PCDH19: variants seen among roughly 807,000 people sequenced by gnomAD.
PCDH19 encodes the protein protocadherin-19.
Under a neutral mutation model 46.2 loss-of-function variants are expected in PCDH19, and 6 were observed. The ratio of observed to expected loss-of-function variants is 0.13; its 90% CI spans 0.07 to 0.26. The LOEUF is 0.26. Ranked by LOEUF, PCDH19 falls within the 10% of genes least tolerant of loss-of-function variation. The pLI is 1.00. For missense variants in PCDH19, 740 were observed against 972.3 expected, an observed-to-expected ratio of 0.76 and a Z score of 3.18; for synonymous variants, 481 against 415.7, an observed-to-expected ratio of 1.16 and a Z score of -1.91.
At position 100,372,976 on chromosome X, in the gene PCDH19, C is replaced by A. The variant is rs138943680; in HGVS notation, c.2617-22272G>T. Among the ~76,000 whole-genome samples, 656 of 112,239 alleles carry A rather than the reference C, an allele frequency of 5.8e-3. 4 individuals are homozygous for A. Among genetic ancestry groups the A allele is most frequent in the African/African-American group, 0.02 (624 of 30,949 alleles). On this transcript the variant is annotated intron_variant, in intron 3 of 5. Coordinates refer to ENST00000373034, the MANE Select transcript of PCDH19 (RefSeq NM_001184880.2). ...CATAGATTAGATGTTTAATTAACAT[C>A]CTCAGTTCTCTTTCTGCCTTGTGTC...
chrX:100,357,970 C>T (rs184735750), intron 3 of PCDH19, among the ~76,000 whole-genome samples: 101 of 112,166 alleles, frequency 9.0e-4, no homozygotes, highest in African/African-American at 3.0e-3. Flanking sequence ...GTTTATTAGG[C>T]CAAGGTGGTT....
Position 100,296,712 on chromosome X carries a change from A to T in PCDH19, c.3012T>A (p.Ala1004=). ...GTTTGGTGGGGCCGCAGTCGTCATA[A>T]GCCTCGACATCAGCAGCAGTAGCTT... is the stretch of plus-strand genomic sequence containing the variant. The part of the protein sequence containing the change: ...SIEATAADVE[A]YDDCGPTKRT... Residue 1004 remains alanine (A), a synonymous_variant, in exon 6 of 6, where the codon GCT becomes GCA. Transcript: ENST00000373034. The T allele has an allele frequency of 5.0e-6, 6 of 1,211,436 alleles. No individual in the cohort carries two copies. The highest frequency in any genetic ancestry group is 6.7e-6 in the Non-Finnish European group (6 of 895,500).
chrX:100,292,249 T>C lies in PCDH19; in HGVS notation c.*4028A>G, dbSNP rs1335664737. 1.8e-5 allele frequency: 2 copies of C among 112,908 alleles called. No individual in the cohort carries two copies. Among genetic ancestry groups the C allele is most frequent in the African/African-American group, 6.5e-5 (2 of 30,951 alleles). 9.3% of individuals were successfully genotyped at this position (112,908 alleles called of 1,213,427 possible). A position where few individuals can be genotyped will look rare whatever the true frequency, so the allele number is the denominator to read the frequency against. Reference sequence around the variant, plus strand: ...GTGTTAGCTGGTTTGTTTGCTAAGGTTGACAGCAACTTTCAGTTAGTAACA... The same window carrying C: ...GTGTTAGCTGGTTTGTTTGCTAAGGCTGACAGCAACTTTCAGTTAGTAACA... On this transcript the variant is annotated 3_prime_UTR_variant, in exon 6 of 6. Transcript: ENST00000373034.
intron 3 of PCDH19, among the ~76,000 whole-genome samples, chrX:100,371,884 C>CACA (rs1555981142): frequency 0.17 from 15,359 of 88,822 alleles, 1,031 homozygotes; most frequent in Non-Finnish European, 0.21. Context: ...ACACACACAC[C>CACA]CACACAAAAC....
intron 3 of PCDH19, among the ~76,000 whole-genome samples, chrX:100,392,076 G>A (rs1248174220): frequency 8.9e-6 from 1 of 111,780 alleles, no homozygotes; most frequent in Non-Finnish European, 1.9e-5. Flanking sequence ...CTCCTCTTGA[G>A]GGTACCTGGT....
Position 100,406,768 on chromosome X carries a change from G to A in PCDH19, c.1830C>T (p.Gly610=), listed in dbSNP as rs1441748797. ...GGTCTATTTCAAAGAAGCCGCGGTC[G>A]CCCTCGGTCATGTCGTAGGTGACTC... ...NGRVTYDMTE[G]DRGFFEIDQV... Residue 610 remains glycine, a synonymous_variant, in exon 1 of 6, where the codon GGC becomes GGT. Transcript: ENST00000373034. 1 of 1,211,783 alleles carries A rather than the reference G, an allele frequency of 8.3e-7. No homozygotes were observed.
At chrX:100,315,473 T>G (rs1299739112) in intron 5 of PCDH19, among the ~76,000 whole-genome samples, 1 of 112,362 alleles carries the variant, frequency 8.9e-6, no homozygotes, top group Non-Finnish European at 1.9e-5. Context: ...GTCAATATTG[T>G]TGGGCCATCA....
At chrX:100,394,447 A>T (rs1029058067) in intron 3 of PCDH19, among the ~76,000 whole-genome samples, 1 of 111,767 alleles carries the variant, frequency 8.9e-6, no homozygotes, top group Non-Finnish European at 1.9e-5. Flanking sequence ...CCCAGGCTCT[A>T]CCCAATCCAG....
At position 100,371,024 on chromosome X, in the gene PCDH19, TGG is replaced by T. The variant is rs749870303; in HGVS notation, c.2617-20322_2617-20321del. 1.9e-3 allele frequency among the ~76,000 whole-genome samples: 210 copies of T among 108,009 alleles called. 1 individual carries two copies. Among genetic ancestry groups the T allele is most frequent in the Middle Eastern group, 9.5e-3 (2 of 210 alleles). 93.8% of individuals were successfully genotyped at this position (108,009 alleles called of 115,157 possible). ...GTGTGTGTGTGTGTGTGTGTGTGTG[TGG>T]GTGTGTGTGTATGCATGTGTTTAAA... On this transcript the variant is annotated intron_variant, in intron 3 of 5. Coordinates refer to ENST00000373034, the MANE Select transcript of PCDH19 (RefSeq NM_001184880.2).
intron 3 of PCDH19, among the ~76,000 whole-genome samples, chrX:100,373,589 T>C (rs1282717320): frequency 8.9e-6 from 1 of 112,366 alleles, no homozygotes; most frequent in African/African-American, 3.2e-5. Flanking sequence ...TAGCCTATTT[T>C]CCTTTCTTCG....
chrX:100,374,123 T>G (rs1927305006), intron 3 of PCDH19, among the ~76,000 whole-genome samples: 1 of 112,705 alleles, frequency 8.9e-6, no homozygotes, highest in Non-Finnish European at 1.9e-5. Context: ...CTCACCCTTT[T>G]GATAATGCTG....
At chrX:100,342,335 A>C (rs754082581) in intron 4 of PCDH19, among the ~76,000 whole-genome samples, 1 of 112,525 alleles carries the variant, frequency 8.9e-6, no homozygotes, top group South Asian at 3.7e-4. Context: ...AGGTGGAAGA[A>C]GCTACAATTC....
In PCDH19 at chrX:100,409,985, T is replaced by C; in HGVS notation, c.-1388A>G. On this transcript the variant is annotated 5_prime_UTR_variant, in exon 1 of 6. Coordinates refer to ENST00000373034, the MANE Select transcript of PCDH19 (RefSeq NM_001184880.2). Reference sequence around the variant, plus strand: ...GAATGTGTGAGAGAGAGAGGAAGAGTGAGTGTGTGGTGTGGGGAGTGTGAG... The same window carrying C: ...GAATGTGTGAGAGAGAGAGGAAGAGCGAGTGTGTGGTGTGGGGAGTGTGAG... 3.4e-6 allele frequency: 1 copy of C among 296,732 alleles called. No homozygotes were observed. The highest frequency in any genetic ancestry group is 4.9e-5 in the East Asian group (1 of 20,501). The allele number at this position is 296,732 out of a possible 1,213,427, so 24.5% of individuals were successfully genotyped here.
intron 5 of PCDH19, among the ~76,000 whole-genome samples, chrX:100,334,774 G>GTGTA (rs1926032294): frequency 9.2e-6 from 1 of 108,926 alleles, no homozygotes; most frequent in African/African-American, 3.4e-5. Flanking sequence ...GTGTGTGTGT[G>GTGTA]TGTATAGTGT....
At chrX:100,298,459 T>C (rs966249757) in intron 5 of PCDH19, among the ~76,000 whole-genome samples, 2 of 112,277 alleles carry the variant, frequency 1.8e-5, no homozygotes, top group African/African-American at 6.5e-5. Context: ...AATTTGCCAA[T>C]TTATCTTTAA....
In PCDH19 at chrX:100,296,782, G is replaced by C. The variant is rs976575288; in HGVS notation, c.2942C>G (p.Ser981Cys). Reference protein sequence around the residue: ...WMPRNPMPIRSKSPEHVRNII... With the variant: ...WMPRNPMPIRCKSPEHVRNII... Reference sequence around the variant, plus strand: ...GTTCCTCACATGCTCAGGGGACTTGGAACGGATGGGCATGGGGTTCCGGGG... The same window carrying C: ...GTTCCTCACATGCTCAGGGGACTTGCAACGGATGGGCATGGGGTTCCGGGG... The change falls in exon 6 of 6, where the codon TCC (serine) becomes TGC (cysteine). Residue 981 changes from serine (S) to cysteine (C), a missense_variant. Transcript: ENST00000373034. The C allele has an allele frequency of 8.3e-7, 1 of 1,211,410 alleles. No individual in the cohort carries two copies. The highest frequency in any genetic ancestry group is 1.1e-6 in the Non-Finnish European group (1 of 895,126).
intron 3 of PCDH19, among the ~76,000 whole-genome samples, chrX:100,359,346 A>G (rs1176524256): frequency 8.9e-6 from 1 of 111,906 alleles, no homozygotes. Flanking sequence ...AACTTGGCAC[A>G]CACTAACTGG....
At chrX:100,313,890 C>T (rs1925210399) in intron 5 of PCDH19, among the ~76,000 whole-genome samples, 1 of 96,117 alleles carries the variant, frequency 1.0e-5, no homozygotes, top group South Asian at 4.3e-4. Context: ...CACACACACA[C>T]ACACACACAC....
Position 100,409,308 on chromosome X carries a change from G to A in PCDH19, c.-711C>T, listed in dbSNP as rs1446539215. The A allele has an allele frequency of 1.8e-5, 2 of 111,850 alleles. No individual in the cohort carries two copies. Among genetic ancestry groups the A allele is most frequent in the African/African-American group, 6.5e-5 (2 of 30,674 alleles). 9.2% of individuals were successfully genotyped at this position (111,850 alleles called of 1,213,427 possible). On this transcript the variant is annotated 5_prime_UTR_variant, in exon 1 of 6. Transcript: ENST00000373034. Reference sequence around the variant, plus strand: ...TAGGGTTGAGTCGGATGGCGGTCCCGGGGCCAGCAGAGGAAGGGGGAGGGG... The same window carrying A: ...TAGGGTTGAGTCGGATGGCGGTCCCAGGGCCAGCAGAGGAAGGGGGAGGGG...
Sources: allele counts gnomAD v4.1 joint callset (sites outside exome capture counted in the v4.1 genomes callset), GRCh38; gene constraint gnomAD v4.1.1; transcripts MANE v1.5; gene names NCBI Gene and HGNC (gene_info 2026-07-23, HGNC 2026-07-21).